Variants in SAMD5 observed in about 807,000 individuals in gnomAD.
SAMD5 encodes sterile alpha motif domain-containing protein 5.
SAMD5 carries 13 observed loss-of-function variants against 11.3 expected under a neutral mutation model. The observed-to-expected ratio is 1.15, with a 90% CI of 0.75 to 1.83. The LOEUF (loss-of-function observed/expected upper bound fraction) is 1.83. SAMD5 is among the 40% of genes most tolerant of loss of function. The probability of loss-of-function intolerance (pLI) is 0.00; values close to 1 mark genes in which losing one functional copy is unlikely to be tolerated. For synonymous variants in SAMD5, 129 were observed against 111.3 expected (o/e 1.16, Z -1.00); for missense variants, 255 against 239.1 (o/e 1.07, Z -0.44).
At chr6:147,644,036 G>T (rs1790358375) in intron 1 of SAMD5, among the ~76,000 whole-genome samples, 3 of 152,022 alleles carry the variant, frequency 2.0e-5, no homozygotes, top group Admixed American at 6.6e-5. Context: ...CATGTGAATG[G>T]GGATAGAGGT....
intron 1 of SAMD5, among the ~76,000 whole-genome samples, chr6:147,560,808 G>T (rs144810977): frequency 1.3e-5 from 2 of 152,248 alleles, no homozygotes; most frequent in Admixed American, 6.5e-5. Context: ...TTCTAACACT[G>T]ATAGGAGATT....
chr6:147,524,841 G>T (rs1788312658), intron 1 of SAMD5, among the ~76,000 whole-genome samples: 1 of 152,094 alleles, frequency 6.6e-6, no homozygotes, highest in African/African-American at 2.4e-5. Context: ...ATTATCATTT[G>T]TGAAGAATGC....
At chr6:147,895,898 A>G in the SAMD5 span, among the ~76,000 whole-genome samples, 2 of 152,236 alleles carry the variant, frequency 1.3e-5, no homozygotes, top group Non-Finnish European at 2.9e-5. Flanking sequence ...GTTGTCTTCA[A>G]AGACAATTTT....
the SAMD5 span, among the ~76,000 whole-genome samples, chr6:147,934,723 A>G: frequency 0.34 from 52,126 of 151,920 alleles, 9,611 homozygotes; most frequent in South Asian, 0.52. Context: ...TAAGGTCCAT[A>G]GGCATTATCC....
chr6:147,541,348 G>T (rs1437980727), intron 1 of SAMD5, among the ~76,000 whole-genome samples: 1 of 152,170 alleles, frequency 6.6e-6, no homozygotes, highest in East Asian at 1.9e-4. Flanking sequence ...GGCTGCAGGG[G>T]AGATCAAATT....
chr6:147,518,651 G>A (rs1383500579), intron 1 of SAMD5, among the ~76,000 whole-genome samples: 1 of 152,168 alleles, frequency 6.6e-6, no homozygotes, highest in Non-Finnish European at 1.5e-5. Flanking sequence ...GTGGAATAAA[G>A]TACACTGGGA....
downstream of SAMD5, among the ~76,000 whole-genome samples, chr6:147,570,876 T>A (rs1789126614): frequency 6.6e-6 from 1 of 152,202 alleles, no homozygotes; most frequent in Non-Finnish European, 1.5e-5. Flanking sequence ...ATGCCCATGA[T>A]AACACCCCAG....
intron 1 of SAMD5, among the ~76,000 whole-genome samples, chr6:147,641,172 G>C (rs1456962030): frequency 6.6e-6 from 1 of 152,156 alleles, no homozygotes; most frequent in Admixed American, 6.5e-5. Context: ...CTTCATATGA[G>C]AGCCTCCTGA....
In SAMD5 at chr6:147,508,818, T is replaced by A; in HGVS notation, c.-111T>A. The A allele has an allele frequency of 6.9e-7, 1 of 1,451,324 alleles. No homozygotes were observed. Among genetic ancestry groups the A allele is most frequent in the Non-Finnish European group, 9.1e-7 (1 of 1,102,764 alleles). 89.9% of individuals were successfully genotyped at this position (1,451,324 alleles called of 1,614,324 possible). A position where few individuals can be genotyped will look rare whatever the true frequency, so the allele number is the denominator to read the frequency against. On this transcript the variant is annotated 5_prime_UTR_variant, in exon 1 of 2. Transcript: ENST00000367474. ...CTTTCCTTTAAAAGGAAAACTTTAC[T>A]GCGATACCCTTTTCCCCTTGGAGGA...
At chr6:147,576,684 C>T (rs1160338551) in intron 1 of SAMD5, among the ~76,000 whole-genome samples, 1 of 152,194 alleles carries the variant, frequency 6.6e-6, no homozygotes, top group Non-Finnish European at 1.5e-5. Context: ...GTTACTGATC[C>T]ATTTTACAGG....
chr6:147,528,836 T>G (rs1228746218), intron 1 of SAMD5, among the ~76,000 whole-genome samples: 1 of 152,186 alleles, frequency 6.6e-6, no homozygotes, highest in Non-Finnish European at 1.5e-5. Flanking sequence ...AAGATGAACA[T>G]AAATCCACTG....
intron 1 of SAMD5, among the ~76,000 whole-genome samples, chr6:147,558,204 C>T (rs1284287316): frequency 1.3e-5 from 2 of 152,018 alleles, no homozygotes; most frequent in African/African-American, 4.8e-5. Context: ...GATGATTTTC[C>T]TGTGGAATAG....
At chr6:147,686,772 C>T (rs1791018248) in intron 1 of SAMD5, among the ~76,000 whole-genome samples, 2 of 152,100 alleles carry the variant, frequency 1.3e-5, no homozygotes, top group South Asian at 2.1e-4. Context: ...TCTAAGGCAG[C>T]ATTTCCAAAA....
the SAMD5 span, among the ~76,000 whole-genome samples, chr6:147,765,233 G>T: frequency 6.6e-6 from 1 of 151,994 alleles, no homozygotes. Flanking sequence ...TTCAAAGTAT[G>T]AACTCTCCTT....
chr6:147,707,169 A>G (rs1179104730), intron 1 of SAMD5, among the ~76,000 whole-genome samples: 3 of 152,308 alleles, frequency 2.0e-5, no homozygotes, highest in African/African-American at 2.4e-5. Flanking sequence ...ATATATTGGT[A>G]AGAATATTGT....
rs150057658 is a variant in SAMD5, at chr6:147,730,215, T to G, written c.163-7102T>G. 3.6e-3 allele frequency: 1,415 copies of G among 389,156 alleles called. 20 individuals are homozygous for G. The highest frequency in any genetic ancestry group is 0.028 in the African/African-American group (1,316 of 47,144). 24.1% of individuals were successfully genotyped at this position (389,156 alleles called of 1,614,324 possible). ...CTTTGGCTTTCACTCTTGTTGAAAT[T>G]GGAAGACATCAGAAGATTTTGAGCA... On this transcript the variant is annotated intron_variant, in intron 1 of 1. Transcript: ENST00000566741.
At chr6:147,683,717 A>G (rs530822735) in intron 1 of SAMD5, among the ~76,000 whole-genome samples, 20 of 152,302 alleles carry the variant, frequency 1.3e-4, no homozygotes, top group African/African-American at 4.6e-4. Context: ...GATTCATGCT[A>G]AGGAATCTGC....
chr6:147,716,893 A>G (rs1791476652), intron 1 of SAMD5, among the ~76,000 whole-genome samples: 1 of 152,196 alleles, frequency 6.6e-6, no homozygotes, highest in Non-Finnish European at 1.5e-5. Flanking sequence ...TCTTGACACC[A>G]CCTGTGACTA....
At chr6:147,942,479 T>G in the SAMD5 span, among the ~76,000 whole-genome samples, 1 of 152,224 alleles carries the variant, frequency 6.6e-6, no homozygotes, top group South Asian at 2.1e-4. Flanking sequence ...GCTTAACTTC[T>G]CAGTAACCTT....
Sources: gnomAD v4.1 joint callset for allele counts (sites outside exome capture counted in the v4.1 genomes callset) on GRCh38, gnomAD v4.1.1 for gene constraint, MANE v1.5 for transcripts, NCBI Gene and HGNC (gene_info 2026-07-23, HGNC 2026-07-21) for gene names.